TNPO1: variants seen among roughly 807,000 people sequenced by gnomAD.
The protein encoded by TNPO1 is transportin-1.
In TNPO1, 8 loss-of-function variants were observed where a neutral mutation model predicts 119.5. The ratio of observed to expected loss-of-function variants is 0.07; its 90% CI spans 0.04 to 0.12. The LOEUF (loss-of-function observed/expected upper bound fraction) is 0.12, where lower values mean the gene tolerates loss of function less well. Among genes scored for constraint, TNPO1 ranks in the 10% least tolerant of loss-of-function variants. The pLI, the probability that TNPO1 is intolerant of heterozygous loss-of-function variation, is 1.00. For synonymous variants in TNPO1, 362 were observed against 363.0 expected, an observed-to-expected ratio of 1.00 and a Z score of 0.03; for missense variants, 576 against 1,089.8, an observed-to-expected ratio of 0.53 and a Z score of 6.64.
At chr5:72,886,132 T>C (rs1748608962) in intron 11 of TNPO1, among the ~76,000 whole-genome samples, 1 of 152,214 alleles carries the variant, frequency 6.6e-6, no homozygotes, top group Non-Finnish European at 1.5e-5. Context: ...AGGAACACGT[T>C]CCTACCCATA....
intron 6 of TNPO1, among the ~76,000 whole-genome samples, chr5:72,870,568 T>C (rs1055977661): frequency 5.3e-5 from 8 of 152,244 alleles, no homozygotes; most frequent in Non-Finnish European, 8.8e-5. Flanking sequence ...GATACTATTG[T>C]AAATGGTAGC....
chr5:72,882,383 T>G, intron 9 of TNPO1, 84 bp from the exon 10 acceptor site: 1 of 971,100 alleles, frequency 1.0e-6, no homozygotes, highest in Middle Eastern at 2.3e-4. Flanking sequence ...CTCATTGGTT[T>G]TATTAGTACA....
At chr5:72,870,158 C>CTTTTTTTTT (rs200118076) in intron 6 of TNPO1, among the ~76,000 whole-genome samples, 10 of 106,170 alleles carry the variant, frequency 9.4e-5, no homozygotes, top group African/African-American at 1.4e-4. Context: ...ATACTAATTG[C>CTTTTTTTTT]TTTTTTTTTT....
intron 1 of TNPO1, among the ~76,000 whole-genome samples, chr5:72,820,456 GATTA>G (rs1743905281): frequency 6.6e-6 from 1 of 152,152 alleles, no homozygotes; most frequent in Non-Finnish European, 1.5e-5. Flanking sequence ...ATAGAGAGTG[GATTA>G]ACGTTTTCCT....
chr5:72,872,757 C>CTTTT, intron 7 of TNPO1, 37 bp downstream of exon 7: 1 of 1,183,510 alleles, frequency 8.4e-7, no homozygotes, highest in Non-Finnish European at 1.1e-6. Context: ...AACCCCCCAG[C>CTTTT]TTTTTTTTTT....
In TNPO1 at chr5:72,888,184, T is replaced by C; in HGVS notation, c.1410T>C (p.Leu470=). The C allele has an allele frequency of 6.2e-7, 1 of 1,614,172 alleles. No individual in the cohort carries two copies. Among genetic ancestry groups the C allele is most frequent in the Non-Finnish European group, 8.5e-7 (1 of 1,180,034 alleles). The change falls in exon 13 of 25, where the codon CTT becomes CTC. Residue 470 remains leucine, a synonymous_variant. Coordinates refer to ENST00000337273, the MANE Select transcript of TNPO1 (RefSeq NM_002270.4). ...ALVRSITCWT[L]SRYAHWVVSQ... is the part of the protein sequence containing the mutation. Reference sequence around the variant, plus strand: ...TGCGTTCCATAACATGCTGGACTCTTAGCCGCTATGCACACTGGGTGGTCA... The same window carrying C: ...TGCGTTCCATAACATGCTGGACTCTCAGCCGCTATGCACACTGGGTGGTCA...
At chr5:72,899,937 C>T in intron 20 of TNPO1, 69 bp from the exon 21 acceptor site, 1 of 1,202,918 alleles carries the variant, frequency 8.3e-7, no homozygotes, top group Non-Finnish European at 1.2e-6. Context: ...TATTTTTTCT[C>T]CTTCCCCCTC....
intron 24 of TNPO1, among the ~76,000 whole-genome samples, chr5:72,906,275 CTTTTTTTTTTT>C (rs869051297): frequency 4.6e-4 from 25 of 54,700 alleles, no homozygotes; most frequent in African/African-American, 1.5e-3. Flanking sequence ...TTTTTTTTTT[CTTTTTTTTTTT>C]TTTTTTTTTT....
At chr5:72,849,164 A>G (rs1745354486) in intron 2 of TNPO1, among the ~76,000 whole-genome samples, 1 of 152,140 alleles carries the variant, frequency 6.6e-6, no homozygotes, top group Non-Finnish European at 1.5e-5. Context: ...TTCTTTTTAA[A>G]GCTTTGGCTC....
At chr5:72,887,283 A>AGT in intron 12 of TNPO1, 61 bp downstream of exon 12, 4 of 1,122,236 alleles carry the variant, frequency 3.6e-6, no homozygotes, top group Non-Finnish European at 4.9e-6. Flanking sequence ...AGGTACTAAT[A>AGT]AGGCTAGGCT....
intron 7 of TNPO1, among the ~76,000 whole-genome samples, chr5:72,873,362 A>T (rs1156827839): frequency 6.6e-6 from 1 of 152,128 alleles, no homozygotes; most frequent in African/African-American, 2.4e-5. Flanking sequence ...ATGGAATTTT[A>T]AAAGTCCCTT....
intron 1 of TNPO1, among the ~76,000 whole-genome samples, chr5:72,837,934 A>G (rs970632763): frequency 6.6e-6 from 1 of 152,214 alleles, no homozygotes; most frequent in Non-Finnish European, 1.5e-5. Context: ...TCCATCAGGA[A>G]CTAAACTTGT....
chr5:72,877,725 GTTAAC>G (rs1279297528), intron 9 of TNPO1, among the ~76,000 whole-genome samples: 2 of 151,868 alleles, frequency 1.3e-5, no homozygotes, highest in Admixed American at 6.6e-5. Context: ...ACAGAATTTA[GTTAAC>G]TTAATGTTAA....
chr5:72,834,739 C>CAGTAT (rs1475976939), intron 1 of TNPO1, among the ~76,000 whole-genome samples: 5 of 152,160 alleles, frequency 3.3e-5, no homozygotes, highest in Non-Finnish European at 5.9e-5. Flanking sequence ...CAGTAGTGTA[C>CAGTAT]AGTATTGTCC....
In TNPO1 at chr5:72,877,372, G is replaced by A. The variant is rs370142153; in HGVS notation, c.920+26G>A. 35 of 1,139,252 alleles carry A rather than the reference G, an allele frequency of 3.1e-5. No homozygotes were observed. The African/African-American group carries it at 5.0e-4, about 16-fold the overall frequency. The allele number at this position is 1,139,252 out of a possible 1,614,324, so 70.6% of individuals were successfully genotyped here. ...GTAAGTGTTCCCTCTTATAAATGCT[G>A]CCTTGTTCTTTAATTTCTTAAGTGA... On this transcript the variant is annotated intron_variant, in intron 9 of 24. Coordinates refer to ENST00000337273, the MANE Select transcript of TNPO1 (RefSeq NM_002270.4).
chr5:72,821,988 A>G, intron 1 of TNPO1, among the ~76,000 whole-genome samples: 1 of 152,206 alleles, frequency 6.6e-6, no homozygotes, highest in East Asian at 1.9e-4. Flanking sequence ...AAAAACAGTT[A>G]TGAAACCAAT....
intron 1 of TNPO1, among the ~76,000 whole-genome samples, chr5:72,833,972 C>T (rs1022423952): frequency 6.6e-6 from 1 of 152,184 alleles, no homozygotes; most frequent in Non-Finnish European, 1.5e-5. Flanking sequence ...TGTCCTATCC[C>T]TTTGCATAAT....
chr5:72,891,443 C>A (rs769140489), intron 14 of TNPO1, among the ~76,000 whole-genome samples: 1 of 151,936 alleles, frequency 6.6e-6, no homozygotes, highest in Non-Finnish European at 1.5e-5. Context: ...CTAGCCTGGA[C>A]GACAGAGCAA....
chr5:72,899,707 C>T (rs1286668140), intron 20 of TNPO1, among the ~76,000 whole-genome samples: 3 of 152,106 alleles, frequency 2.0e-5, no homozygotes, highest in South Asian at 4.1e-4. Context: ...CCTTGACACT[C>T]GATTGAGCGA....
Sources: allele counts gnomAD v4.1 joint callset (sites outside exome capture counted in the v4.1 genomes callset), GRCh38; gene constraint gnomAD v4.1.1; transcripts MANE v1.5; gene names NCBI Gene and HGNC (gene_info 2026-07-23, HGNC 2026-07-21).